The following POLR2H variants were observed in gnomAD, a reference collection of about 807,000 sequenced individuals.
The protein encoded by POLR2H is DNA-directed RNA polymerases I, II, and III subunit RPABC3.
In POLR2H, 3 loss-of-function variants were observed where a neutral mutation model predicts 18.1. The observed-to-expected ratio is 0.17, with a 90% CI of 0.08 to 0.43. The LOEUF is 0.43. POLR2H is among the 20% of genes least tolerant of loss of function. POLR2H has a pLI of 0.99. For missense variants in POLR2H, 103 were observed against 184.6 expected, an observed-to-expected ratio of 0.56 and a Z score of 2.56; for synonymous variants, 76 against 69.0, an observed-to-expected ratio of 1.10 and a Z score of -0.50.
intron 4 of POLR2H, 36 bp downstream of exon 4, chr3:184,365,262 C>T (rs774966754): frequency 1.7e-5 from 20 of 1,182,590 alleles, no homozygotes; most frequent in Non-Finnish European, 2.5e-5. Context: ...TGAAATATGC[C>T]TTGAGGACTA....
Position 184,366,726 on chromosome 3 carries a change from G to T in POLR2H, c.261G>T (p.Gln87His). 3 of 1,594,118 alleles carry T rather than the reference G, an allele frequency of 1.9e-6. No individual in the cohort carries two copies. Among genetic ancestry groups the T allele is most frequent in the Non-Finnish European group, 2.6e-6 (3 of 1,161,752 alleles). Residue 87 changes from glutamine to histidine, a missense_variant, in exon 5 of 6, where the codon CAG becomes CAT. Physicochemically the swap from Gln to His is conservative, Grantham distance 24. Transcript: ENST00000456318. ...TGCTATTGCTCCATAGGGCTGACCA[G>T]TTTGAGTATGTAATGTATGGAAAAG... ...PTDDRPSRAD[Q>H]FEYVMYGKVY... is the part of the protein sequence containing the mutation.
Position 184,365,052 on chromosome 3 carries a change from A to T in POLR2H, c.157+3A>T. The T allele has an allele frequency of 6.3e-7, 1 of 1,588,366 alleles. No individual in the cohort carries two copies. Among genetic ancestry groups the T allele is most frequent in the Non-Finnish European group, 8.6e-7 (1 of 1,156,522 alleles). On this transcript the variant is annotated splice_donor_region_variant and intron_variant, in intron 3 of 5. Coordinates refer to ENST00000456318, the MANE Select transcript of POLR2H (RefSeq NM_006232.5). ...TCAAATTTACCCTGTAGACTTGGGT[A>T]AGTATTGAATACAGACAATAATAAG...
rs1184337576 is a variant in POLR2H, at chr3:184,362,533, G to A, written c.-620-340G>A. On this transcript the variant is annotated intron_variant, in intron 1 of 5. Transcript: ENST00000456318. The surrounding 1 kb of genome is among the most constrained non-coding windows in gnomAD (Gnocchi z 5.9). ...AGGGGCATTTGGGAGGCAGAGGCGG[G>A]GCTCAGGGGGCGGGAGCAGTGCCCG... 1 of 152,812 alleles carries A rather than the reference G, an allele frequency of 6.5e-6. No homozygotes were observed. The highest frequency in any genetic ancestry group is 1.5e-5 in the Non-Finnish European group (1 of 68,572). 9.5% of individuals were successfully genotyped at this position (152,812 alleles called of 1,614,324 possible). A position where few individuals can be genotyped will look rare whatever the true frequency, so the allele number is the denominator to read the frequency against.
Position 184,365,970 on chromosome 3 carries a change from C to T in POLR2H, c.251+744C>T, listed in dbSNP as rs866814046. Among the ~76,000 whole-genome samples, 7 of 141,132 alleles carry T rather than the reference C, an allele frequency of 5.0e-5. No individual in the cohort carries two copies. The South Asian group carries it at 9.2e-4, about 19-fold the overall frequency. The allele number at this position is 141,132 out of a possible 152,430, so 92.6% of individuals were successfully genotyped here. A position where few individuals can be genotyped will look rare whatever the true frequency, so the allele number is the denominator to read the frequency against. ...CAGCCTGGGCGACAGAGCGAGACTC[C>T]GTCTCAAAAAAAAAAAAAAAAAGAA... On this transcript the variant is annotated intron_variant, in intron 4 of 5. Transcript: ENST00000456318.
chr3:184,363,418 C>T lies in POLR2H; in HGVS notation c.-75C>T, dbSNP rs1200959053. 1 of 1,263,086 alleles carries T rather than the reference C, an allele frequency of 7.9e-7. No homozygotes were observed. The highest frequency in any genetic ancestry group is 2.3e-5 in the East Asian group (1 of 42,778). The allele number at this position is 1,263,086 out of a possible 1,614,324, so 78.2% of individuals were successfully genotyped here. On this transcript the variant is annotated 5_prime_UTR_variant, in exon 2 of 6. Coordinates refer to ENST00000456318, the MANE Select transcript of POLR2H (RefSeq NM_006232.5). ...GCTTTTGGTTCTCTCCGGTCTTGTC[C>T]ACGCTAGGGGGTGCACGTACTCCCA...
rs1025074628 is a variant in POLR2H, at chr3:184,362,920, G to A, written c.-573G>A. 3.1e-5 allele frequency: 5 copies of A among 162,104 alleles called. No individual in the cohort carries two copies. The highest frequency in any genetic ancestry group is 1.2e-4 in the African/African-American group (5 of 41,468). The allele number at this position is 162,104 out of a possible 1,614,324, so 10.0% of individuals were successfully genotyped here. On this transcript the variant is annotated 5_prime_UTR_variant, in exon 2 of 6. Transcript: ENST00000456318. This position sits in a 1 kb window ranked among gnomAD's most constrained non-coding sequence, Gnocchi z 5.9. ...ACTGGACGGATCCGGCTCGGGTTAC[G>A]TCCAGCAGGGCCGAGCCGGCCCAGG... is the stretch of plus-strand genomic sequence containing the variant.
chr3:184,366,592 C>G, intron 4 of POLR2H, 125 bp from the exon 5 acceptor site: 1 of 586,446 alleles, frequency 1.7e-6, no homozygotes, highest in South Asian at 1.8e-5. Flanking sequence ...CCCGCCTTGG[C>G]CTCCCAAAGT....
intron 5 of POLR2H, 42 bp from the exon 6 acceptor site, chr3:184,368,135 T>G (rs1293643084): frequency 6.2e-7 from 1 of 1,613,560 alleles, no homozygotes; most frequent in Admixed American, 1.7e-5. Context: ...AGCTGCTGAG[T>G]GGCAGTGCTC....
Position 184,368,315 on chromosome 3 carries a change from C to G in POLR2H, c.*21C>G. On this transcript the variant is annotated 3_prime_UTR_variant, in exon 6 of 6. Coordinates refer to ENST00000456318, the MANE Select transcript of POLR2H (RefSeq NM_006232.5). ...TCTGAACCTCGCCTGAAGCCAGCCTCTCTGCCAAGTCACTCAGGTCATGGG... is the reference window on the plus strand; with the variant it reads ...TCTGAACCTCGCCTGAAGCCAGCCTGTCTGCCAAGTCACTCAGGTCATGGG... 1 of 1,559,258 alleles carries G rather than the reference C, an allele frequency of 6.4e-7. No individual in the cohort carries two copies. Among genetic ancestry groups the G allele is most frequent in the Non-Finnish European group, 8.7e-7 (1 of 1,149,982 alleles).
At chr3:184,365,975 CAAA>C (rs563119852) in intron 4 of POLR2H, among the ~76,000 whole-genome samples, 9 of 61,972 alleles carry the variant, frequency 1.5e-4, no homozygotes, top group Non-Finnish European at 1.7e-4. Flanking sequence ...GACTCCGTCT[CAAA>C]AAAAAAAAAA....
In POLR2H at chr3:184,365,090, G is replaced by A. The variant is rs181488646; in HGVS notation, c.157+41G>A. ...AGACAATAATAAGAGACTTTTTGCT[G>A]CTTCTGCTATTCTTTACTCTCTGAT... On this transcript the variant is annotated intron_variant, in intron 3 of 5. Transcript: ENST00000456318. 6 of 1,583,122 alleles carry A rather than the reference G, an allele frequency of 3.8e-6. No individual in the cohort carries two copies. In the Admixed American group the frequency reaches 1.0e-4, roughly 26 times the overall value.
intron 2 of POLR2H, 151 bp from the exon 3 acceptor site, chr3:184,364,815 C>T (rs1712952623): frequency 1.6e-6 from 1 of 611,098 alleles, no homozygotes; most frequent in African/African-American, 1.8e-5. Flanking sequence ...TCTTGCATAT[C>T]TGGTTCTGAT....
intron 2 of POLR2H, among the ~76,000 whole-genome samples, chr3:184,364,001 A>C (rs1707716326): frequency 6.6e-6 from 1 of 152,178 alleles, no homozygotes; most frequent in Non-Finnish European, 1.5e-5. Context: ...CAGTGAGCCA[A>C]GATCGCGCCA....
At position 184,363,423 on chromosome 3, in the gene POLR2H, T is replaced by TA. The variant is rs1712634989; in HGVS notation, c.-69dup. The TA allele has an allele frequency of 3.1e-6, 4 of 1,295,828 alleles. No homozygotes were observed. Among genetic ancestry groups the TA allele is most frequent in the Non-Finnish European group, 4.5e-6 (4 of 895,680 alleles). 80.3% of individuals were successfully genotyped at this position (1,295,828 alleles called of 1,614,324 possible). ...TGGTTCTCTCCGGTCTTGTCCACGCTAGGGGGTGCACGTACTCCCAACTGT... is the reference window on the plus strand; with the variant it reads ...TGGTTCTCTCCGGTCTTGTCCACGCTAAGGGGGTGCACGTACTCCCAACTGT... On this transcript the variant is annotated 5_prime_UTR_variant, in exon 2 of 6. It removes the in-frame stop codon of an upstream open reading frame in the 5' UTR. Coordinates refer to ENST00000456318, the MANE Select transcript of POLR2H (RefSeq NM_006232.5).
rs1712629139 is a variant in POLR2H, at chr3:184,363,407, C to T, written c.-86C>T. ...TTTCAGGAGGTGCTTTTGGTTCTCT[C>T]CGGTCTTGTCCACGCTAGGGGGTGC... On this transcript the variant is annotated 5_prime_UTR_variant, in exon 2 of 6. Transcript: ENST00000456318. 3 of 1,149,650 alleles carry T rather than the reference C, an allele frequency of 2.6e-6. No homozygotes were observed. The highest frequency in any genetic ancestry group is 1.3e-6 in the Non-Finnish European group (1 of 768,330). 71.2% of individuals were successfully genotyped at this position (1,149,650 alleles called of 1,614,324 possible).
intron 2 of POLR2H, 111 bp downstream of exon 2, chr3:184,363,676 G>C: frequency 1.4e-6 from 1 of 739,538 alleles, no homozygotes; most frequent in Non-Finnish European, 2.3e-6. Context: ...GCAGGTCCTG[G>C]TGTAGGGACC....
chr3:184,364,702 A>G, intron 2 of POLR2H: 1 of 524,892 alleles, frequency 1.9e-6, no homozygotes, highest in East Asian at 3.1e-5. Context: ...TAACTTGCCC[A>G]GAGTCAGGTT....
intron 5 of POLR2H, among the ~76,000 whole-genome samples, chr3:184,367,723 C>T (rs1220281841): frequency 6.6e-6 from 1 of 152,074 alleles, no homozygotes; most frequent in Admixed American, 6.5e-5. Context: ...ATCTCCTGAC[C>T]TCGTGATCCG....
rs953381452 is a variant in POLR2H, at chr3:184,368,430, C to T, written c.*136C>T. On this transcript the variant is annotated 3_prime_UTR_variant, in exon 6 of 6. Transcript: ENST00000456318. ...CACCGTGGCGGCATCTTTAACTGGC[C>T]TCCACTCAATGGGAAACTGACTCGC... The T allele has an allele frequency of 8.1e-5, 51 of 627,414 alleles. No individual in the cohort carries two copies. In the African/African-American group the frequency reaches 8.7e-4, roughly 11 times the overall value. The allele number at this position is 627,414 out of a possible 1,614,324, so 38.9% of individuals were successfully genotyped here.
Sources: gnomAD v4.1 joint callset for allele counts (sites outside exome capture counted in the v4.1 genomes callset) on GRCh38, gnomAD v4.1.1 for gene constraint, Gnocchi (gnomAD v3.1) non-coding constraint, MANE v1.5 for transcripts, NCBI Gene and HGNC (gene_info 2026-07-23, HGNC 2026-07-21) for gene names.